CNTN5: variants seen among roughly 807,000 people sequenced by gnomAD.
CNTN5 encodes contactin-5.
Under a neutral mutation model 129.1 loss-of-function variants are expected in CNTN5, and 77 were observed. The observed-to-expected ratio is 0.60, with a 90% confidence interval of 0.50 to 0.72. The LOEUF (loss-of-function observed/expected upper bound fraction) is 0.72, where lower values mean the gene tolerates loss of function less well. Ranked by LOEUF, CNTN5 falls within the 30% of genes least tolerant of loss-of-function variation. CNTN5 has a pLI of 0.00. For missense variants in CNTN5, 1,478 were observed against 1,328.8 expected, an observed-to-expected ratio of 1.11 and a Z score of -1.75; for synonymous variants, 509 against 465.6, an observed-to-expected ratio of 1.09 and a Z score of -1.20.
intron 3 of CNTN5, among the ~76,000 whole-genome samples, chr11:99,809,995 A>G (rs182221859): frequency 2.7e-4 from 41 of 152,248 alleles, no homozygotes; most frequent in Middle Eastern, 3.4e-3. Flanking sequence ...TCAGTGATTC[A>G]TATTCATATT....
intron 6 of CNTN5, among the ~76,000 whole-genome samples, chr11:99,909,429 A>C (rs1949595453): frequency 6.6e-6 from 1 of 152,130 alleles, no homozygotes; most frequent in African/African-American, 2.4e-5. Context: ...TAGAAGTAGA[A>C]ATACCATTTG....
intron 3 of CNTN5, among the ~76,000 whole-genome samples, chr11:99,750,164 A>G (rs975395004): frequency 6.6e-6 from 1 of 152,186 alleles, no homozygotes; most frequent in African/African-American, 2.4e-5. Flanking sequence ...ATTTTTGAGG[A>G]ATTAAATCTC....
intron 2 of CNTN5, among the ~76,000 whole-genome samples, chr11:99,458,482 T>C (rs1179644045): frequency 6.6e-6 from 1 of 151,904 alleles, no homozygotes; most frequent in East Asian, 1.9e-4. Context: ...AAAACAATAT[T>C]TGTAAGAGAA....
intron 2 of CNTN5, among the ~76,000 whole-genome samples, chr11:99,503,308 G>A (rs1425630944): frequency 6.6e-6 from 1 of 152,064 alleles, no homozygotes; most frequent in Non-Finnish European, 1.5e-5. Context: ...GTCAAAACCG[G>A]GTGATCCATC....
At chr11:99,548,926 T>C (rs1160673891) in intron 2 of CNTN5, among the ~76,000 whole-genome samples, 1 of 152,146 alleles carries the variant, frequency 6.6e-6, no homozygotes, top group African/African-American at 2.4e-5. Flanking sequence ...TTTCACATGT[T>C]GCCTCATCCC....
At chr11:99,122,422 A>G (rs1348091495) in intron 1 of CNTN5, among the ~76,000 whole-genome samples, 2 of 152,102 alleles carry the variant, frequency 1.3e-5, no homozygotes, top group Non-Finnish European at 2.9e-5. Context: ...TGATGTATAG[A>G]AACATATTTT....
intron 13 of CNTN5, among the ~76,000 whole-genome samples, chr11:100,099,473 T>C (rs1321748428): frequency 6.6e-6 from 1 of 152,088 alleles, no homozygotes; most frequent in Non-Finnish European, 1.5e-5. Flanking sequence ...GACATTTAAT[T>C]AGTTTGTCCA....
intron 3 of CNTN5, among the ~76,000 whole-genome samples, chr11:99,696,426 A>G (rs76862721): frequency 0.033 from 4,975 of 152,180 alleles, 264 homozygotes; most frequent in African/African-American, 0.11. Flanking sequence ...TCAGCAAGAC[A>G]AATTAGCCAA....
intron 1 of CNTN5, among the ~76,000 whole-genome samples, chr11:99,161,285 C>T (rs1187370500): frequency 6.6e-6 from 1 of 152,098 alleles, no homozygotes; most frequent in Non-Finnish European, 1.5e-5. Flanking sequence ...ATTTTTGAGA[C>T]TCTATGACAG....
intron 8 of CNTN5, among the ~76,000 whole-genome samples, chr11:99,968,895 C>T (rs1951172246): frequency 6.6e-6 from 1 of 151,626 alleles, no homozygotes; most frequent in Non-Finnish European, 1.5e-5. Context: ...TCAAACTCTG[C>T]AGGAATATAG....
chr11:99,423,509 A>G (rs567385361), intron 2 of CNTN5, among the ~76,000 whole-genome samples: 1 of 152,360 alleles, frequency 6.6e-6, no homozygotes, highest in East Asian at 1.9e-4. Context: ...TTACATTTTC[A>G]GGTTTCTAAG....
intron 2 of CNTN5, among the ~76,000 whole-genome samples, chr11:99,387,033 C>G (rs1202540092): frequency 2.6e-5 from 4 of 151,990 alleles, no homozygotes; most frequent in Non-Finnish European, 5.9e-5. Flanking sequence ...ATGTTAATTA[C>G]TAGTAAAATT....
chr11:99,219,157 T>C (rs1860274313), intron 1 of CNTN5, among the ~76,000 whole-genome samples: 1 of 152,124 alleles, frequency 6.6e-6, no homozygotes, highest in Middle Eastern at 3.4e-3. Context: ...CTGATACTAT[T>C]CTAGGCATTT....
intron 2 of CNTN5, among the ~76,000 whole-genome samples, chr11:99,496,507 G>T (rs190641811): frequency 1.3e-5 from 2 of 152,250 alleles, no homozygotes; most frequent in South Asian, 2.1e-4. Context: ...CAGTTCAACT[G>T]TCAGGTCTTA....
rs373258375 is a variant in CNTN5, at chr11:99,614,777, AT to A, written c.55+58517del. Among the ~76,000 whole-genome samples the A allele has an allele frequency of 8.9e-3, 1,339 of 151,262 alleles. 18 individuals are homozygous for A. Among genetic ancestry groups the A allele is most frequent in the African/African-American group, 0.03 (1,248 of 41,302 alleles). On this transcript the variant is annotated intron_variant, in intron 3 of 24. Coordinates refer to ENST00000524871, the MANE Select transcript of CNTN5 (RefSeq NM_014361.4). ...CCCTATTTTCCTAGTCCATTGCCTT[AT>A]TTTTTTTTATTGTACCCCACTTGAT...
chr11:100,172,821 A>G (rs1015120712), intron 13 of CNTN5, among the ~76,000 whole-genome samples: 2 of 152,098 alleles, frequency 1.3e-5, no homozygotes, highest in African/African-American at 4.8e-5. Context: ...GGAATATCCT[A>G]TGTCATGCTA....
chr11:100,059,599 C>T (rs528960718), intron 9 of CNTN5, among the ~76,000 whole-genome samples: 198 of 152,168 alleles, frequency 1.3e-3, no homozygotes, highest in Non-Finnish European at 2.4e-3. Context: ...AAAAGATGTT[C>T]AACCTCCTTA....
At chr11:99,226,873 A>G (rs1389628361) in intron 1 of CNTN5, among the ~76,000 whole-genome samples, 3 of 152,210 alleles carry the variant, frequency 2.0e-5, no homozygotes, top group Non-Finnish European at 4.4e-5. Context: ...GCTGTGTGAT[A>G]TTATTAGGTG....
chr11:99,794,118 T>C (rs1166584334), intron 3 of CNTN5, among the ~76,000 whole-genome samples: 1 of 152,156 alleles, frequency 6.6e-6, no homozygotes, highest in African/African-American at 2.4e-5. Context: ...CATAGATATT[T>C]AGGATAGATA....
Sources: gnomAD v4.1 joint callset for allele counts (sites outside exome capture counted in the v4.1 genomes callset) on GRCh38, gnomAD v4.1.1 for gene constraint, MANE v1.5 for transcripts, NCBI Gene and HGNC (gene_info 2026-07-23, HGNC 2026-07-21) for gene names.